Variants in RFX4 observed in about 807,000 individuals in gnomAD.
The protein encoded by RFX4 is transcription factor RFX4.
A neutral mutation model predicts 95.0 loss-of-function variants in RFX4; 10 were observed. That is an observed-to-expected ratio of 0.11 (90% CI 0.06 to 0.18). The LOEUF (loss-of-function observed/expected upper bound fraction) is 0.18, where lower values mean the gene tolerates loss of function less well. Among genes scored for constraint, RFX4 ranks in the 10% least tolerant of loss-of-function variants. The pLI is 1.00. For synonymous variants in RFX4, 321 were observed against 340.7 expected (o/e 0.94, Z 0.64); for missense variants, 640 against 922.0 (o/e 0.69, Z 3.96).
At chr12:106,686,825 A>T in intron 5 of RFX4, 59 bp from the exon 6 acceptor site, 1 of 1,507,154 alleles carries the variant, frequency 6.6e-7, no homozygotes, top group Non-Finnish European at 9.1e-7. Context: ...ATAACAGTGC[A>T]TGTGGGTCTC....
chr12:106,584,816 T>C (rs2039430151), intron 1 of RFX4, among the ~76,000 whole-genome samples: 1 of 152,126 alleles, frequency 6.6e-6, no homozygotes, highest in Non-Finnish European at 1.5e-5. Flanking sequence ...CCCGCCTGAT[T>C]GCACTCCCCT....
chr12:106,585,373 A>G (rs946335034), intron 1 of RFX4, among the ~76,000 whole-genome samples: 3 of 152,056 alleles, frequency 2.0e-5, no homozygotes, highest in Admixed American at 1.3e-4. Flanking sequence ...TCCTTTCCCC[A>G]TCCACTTCTC....
intron 15 of RFX4, among the ~76,000 whole-genome samples, chr12:106,744,086 T>A (rs2137597394): frequency 6.6e-6 from 1 of 152,322 alleles, no homozygotes; most frequent in African/African-American, 2.4e-5. Context: ...CATGACATTT[T>A]AAAAAACTGT....
chr12:106,690,456 C>T (rs570270613), intron 7 of RFX4, among the ~76,000 whole-genome samples: 41 of 152,258 alleles, frequency 2.7e-4, no homozygotes, highest in Admixed American at 2.4e-3. Context: ...AATAATGATT[C>T]GTGACTGGCT....
At position 106,732,059 on chromosome 12, in the gene RFX4, A is replaced by G. The variant is rs2042623063; in HGVS notation, c.1352-71A>G. The G allele has an allele frequency of 1.9e-6, 3 of 1,582,494 alleles. No homozygotes were observed. In the South Asian group the frequency reaches 3.5e-5, roughly 18 times the overall value. On this transcript the variant is annotated intron_variant, in intron 13 of 17. Coordinates refer to ENST00000392842, the MANE Select transcript of RFX4 (RefSeq NM_213594.3). ...ATTTAGAACACTGTGTAACTTGTGCAGTTGACCAGACAGAGGGGGCATACA... is the reference window on the plus strand; with the variant it reads ...ATTTAGAACACTGTGTAACTTGTGCGGTTGACCAGACAGAGGGGGCATACA...
At chr12:106,630,177 T>C (rs1453073853) in intron 2 of RFX4, among the ~76,000 whole-genome samples, 1 of 152,208 alleles carries the variant, frequency 6.6e-6, no homozygotes, top group Non-Finnish European at 1.5e-5. Flanking sequence ...ATGAGACCAT[T>C]GTCTGTGGAA....
In RFX4 at chr12:106,732,953, G is replaced by C. The variant is rs1448963112; in HGVS notation, c.1501G>C (p.Glu501Gln). Residue 501 changes from glutamate (E) to glutamine (Q), a missense_variant, in exon 15 of 18, where the codon GAG (glutamate) becomes CAG (glutamine). Around this residue, in one of 7 missense-constraint regions of RFX4, gnomAD observed 300 missense variants for 346.8 expected, o/e 0.87. Transcript: ENST00000392842. ...AEVREEIILT[E>Q]AAAPTPSPVP... Reference sequence around the variant, plus strand: ...AGTCCGAGAAGAGATCATCTTGACAGAGGCTGCCGCACCAACCCCTTCACC... The same window carrying C: ...AGTCCGAGAAGAGATCATCTTGACACAGGCTGCCGCACCAACCCCTTCACC... 1.2e-6 allele frequency: 2 copies of C among 1,613,960 alleles called. No homozygotes were observed. Among genetic ancestry groups the C allele is most frequent in the Non-Finnish European group, 1.7e-6 (2 of 1,179,998 alleles).
intron 2 of RFX4, among the ~76,000 whole-genome samples, chr12:106,624,472 G>A (rs1055845641): frequency 2.6e-5 from 4 of 151,970 alleles, no homozygotes; most frequent in Non-Finnish European, 5.9e-5. Flanking sequence ...CTACAGGAGC[G>A]CACCACCACG....
intron 11 of RFX4, 81 bp downstream of exon 11, chr12:106,715,625 C>A: frequency 1.4e-6 from 2 of 1,479,780 alleles, no homozygotes; most frequent in Admixed American, 1.8e-5. Flanking sequence ...ACCGAAGTGG[C>A]ATCCCCACCC....
At chr12:106,670,673 C>G (rs1481203843) in intron 4 of RFX4, among the ~76,000 whole-genome samples, 1 of 152,108 alleles carries the variant, frequency 6.6e-6, no homozygotes, top group Non-Finnish European at 1.5e-5. Context: ...GTTCCTGGCA[C>G]CCAGGAAGTG....
chr12:106,648,632 T>C (rs1337211601), intron 3 of RFX4, among the ~76,000 whole-genome samples: 1 of 150,600 alleles, frequency 6.6e-6, no homozygotes, highest in East Asian at 1.9e-4. Flanking sequence ...TGGGGTTTTT[T>C]TTTTTTTTTT....
chr12:106,742,644 G>A (rs2042826554), intron 15 of RFX4, among the ~76,000 whole-genome samples: 1 of 152,086 alleles, frequency 6.6e-6, no homozygotes, highest in Non-Finnish European at 1.5e-5. Context: ...ATCAGAATCT[G>A]CATTTTTAAC....
chr12:106,620,278 C>G (rs991181268), intron 2 of RFX4, among the ~76,000 whole-genome samples: 1 of 152,070 alleles, frequency 6.6e-6, no homozygotes, highest in African/African-American at 2.4e-5. Flanking sequence ...AATATTTCAA[C>G]GTAGGTTCTA....
intron 4 of RFX4, among the ~76,000 whole-genome samples, chr12:106,665,830 T>A (rs936411531): frequency 2.6e-5 from 4 of 151,998 alleles, no homozygotes; most frequent in African/African-American, 4.8e-5. Flanking sequence ...GCACACATAC[T>A]TATGTATGTG....
rs781750800 is a variant in RFX4 at position 106,750,675 on chromosome 12, A to G, written c.1817A>G (p.Tyr606Cys). 1.2e-6 allele frequency: 2 copies of G among 1,607,342 alleles called. No homozygotes were observed. Among genetic ancestry groups the G allele is most frequent in the East Asian group, 4.5e-5 (2 of 44,306 alleles). Residue 606 changes from tyrosine (Y) to cysteine (C), a missense_variant, in exon 17 of 18, where the codon TAT becomes TGT. Physicochemically the swap from Tyr to Cys is radical, Grantham distance 194. Transcript: ENST00000392842. ...EEHGYTGSYN[Y>C]GSYGNQHPHP... ...TTTAGATACACGGGAAGCTATAACT[A>G]TGGGAGCTATGGCAACCAGCATCCT...
At chr12:106,608,333 C>T (rs933508009) in intron 1 of RFX4, among the ~76,000 whole-genome samples, 2 of 152,224 alleles carry the variant, frequency 1.3e-5, no homozygotes, top group African/African-American at 4.8e-5. Context: ...CTCTTTCAAC[C>T]AGAGTCCCTA....
intron 4 of RFX4, among the ~76,000 whole-genome samples, chr12:106,661,842 T>A (rs1187182614): frequency 6.6e-6 from 1 of 152,212 alleles, no homozygotes; most frequent in African/African-American, 2.4e-5. Flanking sequence ...TTGGCCTCTT[T>A]CCATTCATAA....
At chr12:106,672,620 T>C (rs547760418) in intron 4 of RFX4, among the ~76,000 whole-genome samples, 6 of 152,192 alleles carry the variant, frequency 3.9e-5, no homozygotes, top group Non-Finnish European at 7.4e-5. Flanking sequence ...AATTAAAAGC[T>C]GAGCAGCCTG....
chr12:106,614,618 C>T (rs558050745), intron 2 of RFX4, among the ~76,000 whole-genome samples: 1 of 151,204 alleles, frequency 6.6e-6, no homozygotes, highest in East Asian at 2.0e-4. Flanking sequence ...ACGCCATTCT[C>T]CTGCCTCAGC....
Sources: gnomAD v4.1 joint callset for allele counts (sites outside exome capture counted in the v4.1 genomes callset) on GRCh38, gnomAD v4.1.1 for gene constraint, gnomAD v4.1.1 regional missense constraint, MANE v1.5 for transcripts, NCBI Gene and HGNC (gene_info 2026-07-23, HGNC 2026-07-21) for gene names.